CHL1: variants seen among roughly 807,000 people sequenced by gnomAD.
The protein encoded by CHL1 is cell adhesion molecule L1 like.
A neutral mutation model predicts 141.9 loss-of-function variants in CHL1; 96 were observed. That is an observed-to-expected ratio of 0.68 (90% CI 0.57 to 0.80). The LOEUF is 0.80. Ranked by LOEUF, CHL1 falls within the 30% of genes least tolerant of loss-of-function variation. CHL1 has a pLI of 0.00. For missense variants in CHL1, 1,820 were observed against 1,457.2 expected (o/e 1.25, Z -4.05); for synonymous variants, 613 against 502.2 (o/e 1.22, Z -2.95).
chr3:286,584 C>A (rs12633628), intron 2 of CHL1, among the ~76,000 whole-genome samples: 15,570 of 142,460 alleles, frequency 0.11, 1,199 homozygotes, highest in East Asian at 0.41. Flanking sequence ...GCACTCCAGC[C>A]TGGGTGACAG....
At chr3:383,930 C>A in intron 19 of CHL1, 44 bp downstream of exon 19, 1 of 1,381,228 alleles carries the variant, frequency 7.2e-7, no homozygotes, top group South Asian at 1.2e-5. Context: ...GTGCTTTTCT[C>A]TTCCTCTTAG....
chr3:337,840 C>G (rs533693529), intron 5 of CHL1, among the ~76,000 whole-genome samples: 159 of 152,238 alleles, frequency 1.0e-3, no homozygotes, highest in Non-Finnish European at 2.1e-3. Context: ...CATATGTGTG[C>G]ATGTGTCTTC....
intron 11 of CHL1, among the ~76,000 whole-genome samples, chr3:356,373 C>T (rs1703717514): frequency 6.6e-6 from 1 of 152,158 alleles, no homozygotes; most frequent in African/African-American, 2.4e-5. Context: ...AAAGGAGGTG[C>T]TATTATTCAT....
At chr3:280,812 T>A (rs1273228406) in intron 2 of CHL1, among the ~76,000 whole-genome samples, 3 of 151,998 alleles carry the variant, frequency 2.0e-5, no homozygotes, top group Non-Finnish European at 4.4e-5. Context: ...AGTAATAGAG[T>A]GGAAATAACT....
chr3:353,323 T>A (rs1703423683), intron 10 of CHL1, among the ~76,000 whole-genome samples: 1 of 152,198 alleles, frequency 6.6e-6, no homozygotes, highest in East Asian at 1.9e-4. Flanking sequence ...TACAGATATT[T>A]AGTTTTATAT....
At chr3:326,553 T>G (rs1345777016) in intron 4 of CHL1, among the ~76,000 whole-genome samples, 2 of 151,952 alleles carry the variant, frequency 1.3e-5, no homozygotes, top group African/African-American at 4.8e-5. Context: ...CAGAGTACTA[T>G]TGCATGATAT....
At chr3:385,743 T>C (rs916660050) in intron 19 of CHL1, 2 of 151,044 alleles carry the variant, frequency 1.3e-5, no homozygotes, top group African/African-American at 4.9e-5. Flanking sequence ...CAGAAAAATA[T>C]CTTGAACCCG....
At position 377,091 on chromosome 3, in the gene CHL1, G is replaced by A. The variant is rs537669408; in HGVS notation, c.1752-727G>A. ...ATTATGAATACATTTTAAATTTTAC[G>A]GAACTTGAAAAATACTTTAATAGTT... On this transcript the variant is annotated intron_variant, in intron 15 of 27. Transcript: ENST00000256509. Among the ~76,000 whole-genome samples, 170 of 152,110 alleles carry A rather than the reference G, an allele frequency of 1.1e-3. 1 individual carries two copies. Among genetic ancestry groups the A allele is most frequent in the Non-Finnish European group, 1.7e-3 (115 of 68,008 alleles).
At chr3:392,892 T>C (rs900712007) in intron 23 of CHL1, among the ~76,000 whole-genome samples, 1 of 152,220 alleles carries the variant, frequency 6.6e-6, no homozygotes, top group Non-Finnish European at 1.5e-5. Flanking sequence ...CTTTGCATTG[T>C]GCCATTAAAA....
intron 27 of CHL1, among the ~76,000 whole-genome samples, chr3:405,166 G>A (rs1709439168): frequency 1.3e-5 from 2 of 152,082 alleles, no homozygotes; most frequent in Admixed American, 6.6e-5. Context: ...CAGATATTCA[G>A]ACCATAGCAG....
chr3:385,790 T>C (rs1002671848), intron 19 of CHL1: 1 of 137,656 alleles, frequency 7.3e-6, no homozygotes, highest in Non-Finnish European at 1.5e-5. Flanking sequence ...ATCATGCCAC[T>C]ACGCTCCAGC....
intron 2 of CHL1, among the ~76,000 whole-genome samples, chr3:266,841 C>T (rs1319707752): frequency 6.6e-6 from 1 of 152,150 alleles, no homozygotes; most frequent in Non-Finnish European, 1.5e-5. Context: ...ATTTACACTT[C>T]ATGTTGTGAT....
intron 11 of CHL1, 61 bp from the exon 12 acceptor site, chr3:360,223 T>C (rs1169922082): frequency 6.5e-7 from 1 of 1,537,796 alleles, no homozygotes; most frequent in Non-Finnish European, 9.0e-7. Context: ...ATTTAATAAA[T>C]GGTGTATAAA....
intron 2 of CHL1, among the ~76,000 whole-genome samples, chr3:278,599 C>T (rs1696361884): frequency 1.3e-5 from 2 of 152,164 alleles, no homozygotes; most frequent in Non-Finnish European, 2.9e-5. Context: ...AACCTGTTTT[C>T]CTGTTTGATG....
chr3:237,809 CA>C (rs1413303586), intron 1 of CHL1, among the ~76,000 whole-genome samples: 29 of 150,760 alleles, frequency 1.9e-4, no homozygotes, highest in Non-Finnish European at 3.7e-4. Flanking sequence ...AGAAAAAAAT[CA>C]CATATGATGT....
chr3:294,663 T>TTTCCAA (rs1303656334), intron 2 of CHL1, among the ~76,000 whole-genome samples: 2 of 150,778 alleles, frequency 1.3e-5, no homozygotes, highest in African/African-American at 4.9e-5. Context: ...AATATAGAAT[T>TTTCCAA]ATTATATTAG....
chr3:240,734 A>G (rs976899229), intron 1 of CHL1, among the ~76,000 whole-genome samples: 4 of 152,038 alleles, frequency 2.6e-5, no homozygotes, highest in African/African-American at 9.7e-5. Flanking sequence ...ATCGGGTCTT[A>G]TATTTAAGTC....
chr3:311,364 CTTTTT>C (rs34996009), intron 2 of CHL1, among the ~76,000 whole-genome samples: 4 of 139,516 alleles, frequency 2.9e-5, no homozygotes, highest in Admixed American at 7.2e-5. Context: ...GACCACACAA[CTTTTT>C]TTTTTTTTTT....
intron 1 of CHL1, among the ~76,000 whole-genome samples, chr3:242,551 G>C (rs773995543): frequency 5.3e-5 from 8 of 151,974 alleles, no homozygotes; most frequent in Admixed American, 3.3e-4. Context: ...AGCCGAGATT[G>C]TGCCACTGCA....
Sources: allele counts gnomAD v4.1 joint callset (sites outside exome capture counted in the v4.1 genomes callset), GRCh38; gene constraint gnomAD v4.1.1; transcripts MANE v1.5; gene names NCBI Gene and HGNC (gene_info 2026-07-23, HGNC 2026-07-21).